KSR2: variants seen among roughly 807,000 people sequenced by gnomAD.
The protein encoded by KSR2 is kinase suppressor of ras 2.
KSR2 carries 25 observed loss-of-function variants against 107.8 expected under a neutral mutation model. That is an observed-to-expected ratio of 0.23 (90% confidence interval 0.17 to 0.32). The LOEUF is 0.32. Among genes scored for constraint, KSR2 ranks in the 10% least tolerant of loss-of-function variants. KSR2 has a pLI of 1.00. For missense variants in KSR2, 887 were observed against 1,268.9 expected (o/e 0.70, Z 4.57); for synonymous variants, 480 against 507.0 (o/e 0.95, Z 0.71).
intron 1 of KSR2, among the ~76,000 whole-genome samples, chr12:117,930,483 C>T (rs544509921): frequency 6.6e-6 from 1 of 152,246 alleles, no homozygotes; most frequent in Admixed American, 6.5e-5. Context: ...TGAGATGTGG[C>T]ACTTCTAATT....
chr12:117,608,510 G>C (rs937963652), intron 5 of KSR2, among the ~76,000 whole-genome samples: 1 of 152,184 alleles, frequency 6.6e-6, no homozygotes, highest in African/African-American at 2.4e-5. Flanking sequence ...CATGCTTCCA[G>C]AACTGTGGGG....
At chr12:117,823,039 G>A (rs1330105483) in intron 3 of KSR2, among the ~76,000 whole-genome samples, 2 of 151,882 alleles carry the variant, frequency 1.3e-5, no homozygotes, top group African/African-American at 4.8e-5. Context: ...AATCAGCTAG[G>A]GAAAAAGAAA....
intron 3 of KSR2, among the ~76,000 whole-genome samples, chr12:117,828,014 GA>G (rs1306859104): frequency 1.3e-5 from 2 of 152,124 alleles, no homozygotes; most frequent in African/African-American, 4.8e-5. Flanking sequence ...CTCCTGGGGA[GA>G]AAAAATGTAG....
At chr12:117,854,888 T>C (rs866708973) in intron 3 of KSR2, among the ~76,000 whole-genome samples, 4 of 151,336 alleles carry the variant, frequency 2.6e-5, no homozygotes, top group Non-Finnish European at 5.9e-5. Context: ...AAAAAAAAAA[T>C]TTAAGCAATA....
intron 4 of KSR2, among the ~76,000 whole-genome samples, chr12:117,718,183 G>A (rs537304580): frequency 6.6e-6 from 1 of 152,270 alleles, no homozygotes; most frequent in African/African-American, 2.4e-5. Context: ...ACTTCATCTG[G>A]ATTAACAGAG....
intron 4 of KSR2, among the ~76,000 whole-genome samples, chr12:117,699,836 C>T (rs749555732): frequency 2.0e-5 from 3 of 152,244 alleles, no homozygotes; most frequent in African/African-American, 7.2e-5. Context: ...GCTATGACGT[C>T]ACTAGGTGAT....
chr12:117,695,180 C>G (rs1886002240), intron 4 of KSR2, among the ~76,000 whole-genome samples: 2 of 151,914 alleles, frequency 1.3e-5, no homozygotes, highest in Non-Finnish European at 2.9e-5. Context: ...GTACCTAGAA[C>G]AGTCAAAATT....
intron 5 of KSR2, among the ~76,000 whole-genome samples, chr12:117,661,458 G>GA (rs1442294881): frequency 6.6e-6 from 1 of 151,754 alleles, no homozygotes; most frequent in East Asian, 1.9e-4. Context: ...AAGAGGGAGA[G>GA]AAAAAAGCAA....
chr12:117,832,088 T>C lies in KSR2; in HGVS notation c.472+23340A>G, dbSNP rs143602067. Among the ~76,000 whole-genome samples the C allele has an allele frequency of 5.6e-3, 848 of 152,198 alleles. 34 individuals carry two copies. The East Asian group carries it at 0.1, about 18-fold the overall frequency. ...TTACCTGAGGTCAGGAGTTTGAGAC[T>C]ATCCTGGCCAACATGGTGAAACCCC... On this transcript the variant is annotated intron_variant, in intron 3 of 19. Transcript: ENST00000339824.
At chr12:117,813,236 G>A (rs1027545651) in intron 3 of KSR2, among the ~76,000 whole-genome samples, 15 of 152,090 alleles carry the variant, frequency 9.9e-5, no homozygotes, top group African/African-American at 3.6e-4. Flanking sequence ...GGGATTTTAT[G>A]AATAAGTCCT....
intron 1 of KSR2, among the ~76,000 whole-genome samples, chr12:117,895,787 G>T (rs75066905): frequency 0.13 from 19,799 of 152,234 alleles, 1,387 homozygotes; most frequent in East Asian, 0.18. Context: ...GGCTGGGCAT[G>T]GTGGCTCATG....
chr12:117,949,879 T>C (rs1198959563), intron 1 of KSR2, among the ~76,000 whole-genome samples: 1 of 152,196 alleles, frequency 6.6e-6, no homozygotes, highest in East Asian at 1.9e-4. Flanking sequence ...GTTTCACTGT[T>C]AGTCCATTTT....
At chr12:117,637,130 T>G (rs10850871) in intron 5 of KSR2, among the ~76,000 whole-genome samples, 25,119 of 152,168 alleles carry the variant, frequency 0.17, 2,161 homozygotes, top group Middle Eastern at 0.24. Context: ...TGGCACAAAA[T>G]TTAAGCAGCC....
At chr12:117,738,276 T>C (rs1888020782) in intron 4 of KSR2, among the ~76,000 whole-genome samples, 1 of 152,172 alleles carries the variant, frequency 6.6e-6, no homozygotes, top group South Asian at 2.1e-4. Context: ...ATGTGGGGAT[T>C]AAATAAGAAA....
rs75677289 is a variant in KSR2 at position 117,473,137 on chromosome 12, C to G, written c.2583-1817G>C. Among the ~76,000 whole-genome samples, 1,027 of 152,272 alleles carry G rather than the reference C, an allele frequency of 6.7e-3. 11 individuals carry two copies. Among genetic ancestry groups the G allele is most frequent in the African/African-American group, 0.023 (963 of 41,554 alleles). ...TGCCTCCCCTGCTCCTTCCCAAGAG[C>G]CACAATAAAGGCTCTTCCCAACGTT... is the stretch of plus-strand genomic sequence containing the variant. On this transcript the variant is annotated intron_variant, in intron 17 of 19. Coordinates refer to ENST00000339824, the MANE Select transcript of KSR2 (RefSeq NM_173598.6).
At chr12:117,701,875 A>T (rs983930365) in intron 4 of KSR2, among the ~76,000 whole-genome samples, 1 of 152,212 alleles carries the variant, frequency 6.6e-6, no homozygotes, top group Non-Finnish European at 1.5e-5. Flanking sequence ...AGGAGCATGG[A>T]CCTGCTAACA....
intron 4 of KSR2, among the ~76,000 whole-genome samples, chr12:117,668,333 G>A (rs377033523): frequency 1.1e-4 from 17 of 152,166 alleles, no homozygotes; most frequent in African/African-American, 1.9e-4. Flanking sequence ...CTCTTGGTCC[G>A]GTGCCTACCA....
At chr12:117,662,627 A>C (rs1884484412) in intron 5 of KSR2, among the ~76,000 whole-genome samples, 1 of 152,186 alleles carries the variant, frequency 6.6e-6, no homozygotes, top group Admixed American at 6.5e-5. Context: ...ATATTCCATA[A>C]GACCCAGGCC....
chr12:117,849,477 C>T (rs1286615519), intron 3 of KSR2, among the ~76,000 whole-genome samples: 1 of 152,184 alleles, frequency 6.6e-6, no homozygotes, highest in Non-Finnish European at 1.5e-5. Flanking sequence ...TTAAGCTATC[C>T]TGGCTCTGGG....
Sources: allele counts gnomAD v4.1 joint callset (sites outside exome capture counted in the v4.1 genomes callset), GRCh38; gene constraint gnomAD v4.1.1; transcripts MANE v1.5; gene names NCBI Gene and HGNC (gene_info 2026-07-23, HGNC 2026-07-21).